UTP18: variants seen among roughly 807,000 people sequenced by gnomAD.
The protein encoded by UTP18 is UTP18 small subunit processome component, also known as U3 small nucleolar RNA-associated protein 18 homolog.
UTP18 carries 36 observed loss-of-function variants against 61.1 expected under a neutral mutation model. That is an observed-to-expected ratio of 0.59 (90% CI 0.45 to 0.78). UTP18 has a LOEUF of 0.78. Ranked by LOEUF, UTP18 falls within the 30% of genes least tolerant of loss-of-function variation. UTP18 has a pLI of 0.00. For missense variants in UTP18, 753 were observed against 693.9 expected (o/e 1.09, Z -0.96); for synonymous variants, 282 against 251.1 (o/e 1.12, Z -1.16).
intron 2 of UTP18, among the ~76,000 whole-genome samples, chr17:51,265,410 C>T (rs1304231003): frequency 1.4e-5 from 2 of 147,592 alleles, no homozygotes; most frequent in Non-Finnish European, 3.0e-5. Flanking sequence ...ATTACAGGCT[C>T]CTGCCACCAC....
At chr17:51,276,309 C>T (rs186032054) in intron 6 of UTP18, among the ~76,000 whole-genome samples, 45 of 152,294 alleles carry the variant, frequency 3.0e-4, no homozygotes, top group African/African-American at 1.0e-3. Context: ...TTATTGAATG[C>T]ACCTGTATGA....
At chr17:51,271,238 TTGTTTC>T (rs1214924254) in intron 4 of UTP18, among the ~76,000 whole-genome samples, 1 of 152,230 alleles carries the variant, frequency 6.6e-6, no homozygotes, top group Non-Finnish European at 1.5e-5. Context: ...TCTTCAAGTA[TTGTTTC>T]TGTTCCAGTC....
chr17:51,279,178 TGAAAA>T (rs1904829145), intron 7 of UTP18, among the ~76,000 whole-genome samples: 1 of 152,226 alleles, frequency 6.6e-6, no homozygotes, highest in Admixed American at 6.5e-5. Flanking sequence ...GAATGGATAG[TGAAAA>T]CTCTCTTCTG....
intron 11 of UTP18, among the ~76,000 whole-genome samples, chr17:51,292,980 G>A (rs1403744465): frequency 6.6e-6 from 1 of 152,168 alleles, no homozygotes; most frequent in Non-Finnish European, 1.5e-5. Flanking sequence ...GTACAAAATG[G>A]CAATTTTATG....
At chr17:51,270,489 G>C (rs1904492280) in intron 4 of UTP18, among the ~76,000 whole-genome samples, 1 of 152,172 alleles carries the variant, frequency 6.6e-6, no homozygotes, top group Non-Finnish European at 1.5e-5. Flanking sequence ...GGTTATGCTA[G>C]CTGTTGAAAC....
intron 4 of UTP18, among the ~76,000 whole-genome samples, chr17:51,271,065 C>T (rs1270212654): frequency 6.6e-6 from 1 of 152,140 alleles, no homozygotes; most frequent in Non-Finnish European, 1.5e-5. Flanking sequence ...ACCACAGCTC[C>T]AAAAATCAAC....
intron 1 of UTP18, among the ~76,000 whole-genome samples, chr17:51,262,102 T>G (rs926967082): frequency 6.6e-6 from 1 of 152,036 alleles, no homozygotes; most frequent in Non-Finnish European, 1.5e-5. Context: ...TTTTTTTTTT[T>G]TTTTAGACTC....
At chr17:51,262,628 G>C (rs1302175023) in intron 1 of UTP18, among the ~76,000 whole-genome samples, 1 of 151,954 alleles carries the variant, frequency 6.6e-6, no homozygotes, top group African/African-American at 2.4e-5. Flanking sequence ...TCAGAAGTCA[G>C]CTTCATCCTC....
At chr17:51,286,505 G>C (rs902590637) in intron 10 of UTP18, 8 of 456,196 alleles carry the variant, frequency 1.8e-5, no homozygotes, top group South Asian at 1.2e-4. Flanking sequence ...GAAACTGCTT[G>C]TATATATATC....
intron 11 of UTP18, among the ~76,000 whole-genome samples, chr17:51,289,311 C>T (rs1376900249): frequency 3.3e-5 from 5 of 151,790 alleles, no homozygotes; most frequent in African/African-American, 7.3e-5. Context: ...ATTCTTCTGC[C>T]TCAGTCTCCT....
At chr17:51,290,095 G>C (rs759910269) in intron 11 of UTP18, among the ~76,000 whole-genome samples, 20 of 151,994 alleles carry the variant, frequency 1.3e-4, no homozygotes, top group Admixed American at 1.3e-4. Context: ...TATATATATT[G>C]GGATTCTGCA....
At chr17:51,264,256 A>G (rs879438155) in intron 2 of UTP18, among the ~76,000 whole-genome samples, 15 of 152,086 alleles carry the variant, frequency 9.9e-5, no homozygotes, top group Non-Finnish European at 1.9e-4. Context: ...TACGTTGGCC[A>G]GGCTGGTCTT....
intron 6 of UTP18, among the ~76,000 whole-genome samples, chr17:51,276,288 C>T (rs1904719754): frequency 6.6e-6 from 1 of 152,166 alleles, no homozygotes; most frequent in Non-Finnish European, 1.5e-5. Context: ...ATCCCTTGCC[C>T]ACTCACATTT....
At chr17:51,269,315 A>C (rs11657473) in intron 4 of UTP18, among the ~76,000 whole-genome samples, 1,949 of 149,514 alleles carry the variant, frequency 0.013, 26 homozygotes, top group Admixed American at 0.021. Flanking sequence ...AAAAAAAAAA[A>C]AAAAAAAAAA....
At chr17:51,283,284 T>C (rs1905006899) in intron 9 of UTP18, among the ~76,000 whole-genome samples, 1 of 151,936 alleles carries the variant, frequency 6.6e-6, no homozygotes, top group Admixed American at 6.6e-5. Context: ...TTCTCCTGCC[T>C]CAGCCTCCTG....
rs1254002653 is a variant in UTP18 at position 51,260,967 on chromosome 17, G to C, written c.342+41G>C. The C allele has an allele frequency of 2.1e-6, 3 of 1,428,964 alleles. No homozygotes were observed. In the Admixed American group the frequency reaches 1.0e-4, roughly 48 times the overall value. 88.5% of individuals were successfully genotyped at this position (1,428,964 alleles called of 1,614,324 possible). The stretch of plus-strand genomic sequence containing the variant: ...GCGCGCGGGCTGGGCGCACTCGGGC[G>C]GGGCGCGCGGTGGGCGGTGAAGCTC... On this transcript the variant is annotated intron_variant, in intron 1 of 13. Transcript: ENST00000225298.
intron 4 of UTP18, among the ~76,000 whole-genome samples, chr17:51,269,396 G>A (rs953737525): frequency 1.4e-5 from 2 of 147,556 alleles, no homozygotes; most frequent in East Asian, 2.0e-4. Context: ...CTGCTTCTTC[G>A]ATCTTTTGAG....
At chr17:51,271,525 A>G (rs1904530085) in intron 4 of UTP18, among the ~76,000 whole-genome samples, 1 of 151,906 alleles carries the variant, frequency 6.6e-6, no homozygotes, top group Non-Finnish European at 1.5e-5. Flanking sequence ...TGTTGCCCAC[A>G]TTGGTATTCA....
chr17:51,285,504 T>C (rs1004206957), intron 10 of UTP18, 136 bp downstream of exon 10: 58 of 1,049,892 alleles, frequency 5.5e-5, no homozygotes, highest in Non-Finnish European at 7.2e-5. Context: ...TCAACCCAGC[T>C]GAGCTTTTTT....
Sources: gnomAD v4.1 joint callset for allele counts (sites outside exome capture counted in the v4.1 genomes callset) on GRCh38, gnomAD v4.1.1 for gene constraint, MANE v1.5 for transcripts, NCBI Gene and HGNC (gene_info 2026-07-23, HGNC 2026-07-21) for gene names.